RIMS2: variants seen among roughly 807,000 people sequenced by gnomAD.
RIMS2 encodes the protein regulating synaptic membrane exocytosis 2.
Under a neutral mutation model 174.4 loss-of-function variants are expected in RIMS2, and 59 were observed. The observed-to-expected ratio is 0.34, with a 90% confidence interval of 0.27 to 0.42. RIMS2 has a LOEUF of 0.42. Ranked by LOEUF, RIMS2 falls within the 10% of genes least tolerant of loss-of-function variation. The pLI is 1.00. For missense variants in RIMS2, 1,620 were observed against 1,666.3 expected, an observed-to-expected ratio of 0.97 and a Z score of 0.48; for synonymous variants, 606 against 572.5, an observed-to-expected ratio of 1.06 and a Z score of -0.84.
At chr8:104,252,026 A>G (rs1421467823), downstream of RIMS2, 3 of 572,466 alleles carry the variant, frequency 5.2e-6, no homozygotes, top group Non-Finnish European at 9.3e-6. Flanking sequence ...CAGAGCTGTG[A>G]AGAACTATCA....
chr8:103,896,794 G>A (rs2099280613), intron 4 of RIMS2, among the ~76,000 whole-genome samples: 1 of 151,538 alleles, frequency 6.6e-6, no homozygotes, highest in Non-Finnish European at 1.5e-5. Flanking sequence ...CCTACTTTTG[G>A]TCTAACATAG....
intron 1 of RIMS2, among the ~76,000 whole-genome samples, chr8:103,541,810 G>A (rs1275394931): frequency 6.6e-6 from 1 of 152,104 alleles, no homozygotes; most frequent in Non-Finnish European, 1.5e-5. Flanking sequence ...TGTTGGGGAG[G>A]GGTGTAGTAA....
At chr8:103,598,823 G>T (rs1231793022) in intron 1 of RIMS2, among the ~76,000 whole-genome samples, 1 of 152,054 alleles carries the variant, frequency 6.6e-6, no homozygotes, top group Admixed American at 6.6e-5. Context: ...TTCTTTTAAA[G>T]AAAAGTCCTG....
chr8:103,525,986 C>T (rs1833804798), intron 1 of RIMS2, among the ~76,000 whole-genome samples: 1 of 152,122 alleles, frequency 6.6e-6, no homozygotes, highest in Non-Finnish European at 1.5e-5. Flanking sequence ...GAAGGAAACC[C>T]AAAAGGTGAG....
intron 13 of RIMS2, among the ~76,000 whole-genome samples, chr8:103,938,417 T>A (rs958291216): frequency 6.6e-6 from 1 of 152,044 alleles, no homozygotes; most frequent in Non-Finnish European, 1.5e-5. Context: ...TGAGATTTAT[T>A]CACTATGAGG....
intron 17 of RIMS2, among the ~76,000 whole-genome samples, chr8:104,007,524 C>G (rs2095626310): frequency 6.6e-6 from 1 of 152,118 alleles, no homozygotes; most frequent in Non-Finnish European, 1.5e-5. Context: ...ATTTTATCTT[C>G]CATCATCTAT....
chr8:103,926,641 G>A (rs2078846204), intron 10 of RIMS2, among the ~76,000 whole-genome samples: 1 of 151,540 alleles, frequency 6.6e-6, no homozygotes, highest in Non-Finnish European at 1.5e-5. Flanking sequence ...GTTAGCAGTG[G>A]AAAGAGAGAA....
chr8:104,251,034 A>T (rs919865986), exon 23 of RIMS2: 9 of 1,613,102 alleles, frequency 5.6e-6, no homozygotes, highest in Non-Finnish European at 7.6e-6. Flanking sequence ...CACCGTATGT[A>T]AAAGTGTATC....
intron 1 of RIMS2, among the ~76,000 whole-genome samples, chr8:103,607,250 T>C (rs533185943): frequency 6.6e-6 from 1 of 152,294 alleles, no homozygotes; most frequent in Non-Finnish European, 1.5e-5. Flanking sequence ...TTATTTCTCC[T>C]TCACTTATGA....
rs2093016025 is a variant in RIMS2, at chr8:103,573,869, C to G, written c.176+72807C>G. 2.0e-5 allele frequency among the ~76,000 whole-genome samples: 3 copies of G among 152,140 alleles called. No individual in the cohort carries two copies. The South Asian group carries it at 6.2e-4, about 32-fold the overall frequency. ...GAATGTTTTTCCATTTGTTTGTGTC[C>G]TCTGTGATTTCTTTCATCAGTGTTT... On this transcript the variant is annotated intron_variant, in intron 1 of 23. Transcript: ENST00000504942.
intron 19 of RIMS2, chr8:104,094,406 TAA>T: frequency 1.7e-6 from 1 of 582,784 alleles, no homozygotes; most frequent in South Asian, 2.4e-5. Context: ...TTTAATTTCA[TAA>T]GTGTTTTTTC....
chr8:104,117,390 C>T (rs1019064313), intron 19 of RIMS2, among the ~76,000 whole-genome samples: 3 of 143,032 alleles, frequency 2.1e-5, no homozygotes, highest in African/African-American at 7.7e-5. Flanking sequence ...AATAAATTTC[C>T]TTTTTTTTTT....
At chr8:103,957,816 A>T (rs2088007744) in intron 14 of RIMS2, among the ~76,000 whole-genome samples, 1 of 152,172 alleles carries the variant, frequency 6.6e-6, no homozygotes. Context: ...CAATATCACT[A>T]ATCATTAGGG....
intron 1 of RIMS2, 54 bp downstream of exon 3, chr8:103,652,764 TGAAA>T: frequency 1.5e-5 from 16 of 1,069,456 alleles, no homozygotes; most frequent in Non-Finnish European, 1.9e-5. Context: ...TATAACATAC[TGAAA>T]AGTATGTGTT....
At chr8:104,249,549 C>T (rs1430406057) in exon 22 of RIMS2, 6 of 1,612,180 alleles carry the variant, frequency 3.7e-6, no homozygotes, top group East Asian at 2.2e-5. Flanking sequence ...CATCCGGGCC[C>T]GTGGCCTTGT....
At chr8:104,165,980 T>A (rs2098794317) in intron 19 of RIMS2, among the ~76,000 whole-genome samples, 1 of 151,838 alleles carries the variant, frequency 6.6e-6, no homozygotes, top group Admixed American at 6.6e-5. Context: ...AGGGAAGAGA[T>A]GTTAGATAGC....
At chr8:103,905,775 CTT>C (rs60157494) in intron 4 of RIMS2, among the ~76,000 whole-genome samples, 1 of 122,056 alleles carries the variant, frequency 8.2e-6, no homozygotes, top group Non-Finnish European at 1.7e-5. Flanking sequence ...ATTTTCTTTT[CTT>C]TTTTTTTTTT....
chr8:103,664,949 A>C (rs1008846996), intron 1 of RIMS2, among the ~76,000 whole-genome samples: 14 of 152,216 alleles, frequency 9.2e-5, no homozygotes, highest in Admixed American at 7.9e-4. Context: ...TGCAGCCATA[A>C]AAAAGGATGA....
chr8:104,014,373 T>G (rs1455009123), intron 18 of RIMS2, 133 bp from the exon 21 acceptor site: 4 of 533,144 alleles, frequency 7.5e-6, no homozygotes, highest in Non-Finnish European at 1.3e-5. Flanking sequence ...TTTGTCCAGT[T>G]TTCCTAACCT....
Sources: allele counts gnomAD v4.1 joint callset (sites outside exome capture counted in the v4.1 genomes callset), GRCh38; gene constraint gnomAD v4.1.1; transcripts MANE v1.5; gene names NCBI Gene and HGNC (gene_info 2026-07-23, HGNC 2026-07-21).